Variants in FSTL5 observed in about 807,000 individuals in gnomAD.
FSTL5 encodes the protein follistatin-related protein 5.
In FSTL5, 62 loss-of-function variants were observed where a neutral mutation model predicts 89.1. The observed-to-expected ratio is 0.70, with a 90% CI of 0.57 to 0.86. The LOEUF (loss-of-function observed/expected upper bound fraction) is 0.86, where lower values mean the gene tolerates loss of function less well. Ranked by LOEUF, FSTL5 falls within the 40% of genes least tolerant of loss-of-function variation. The pLI is 0.00. For missense variants in FSTL5, 1,057 were observed against 1,001.6 expected (o/e 1.06, Z -0.75); for synonymous variants, 383 against 346.2 (o/e 1.11, Z -1.18).
intron 6 of FSTL5, among the ~76,000 whole-genome samples, chr4:161,717,083 T>G (rs549183632): frequency 5.5e-4 from 83 of 152,282 alleles, no homozygotes; most frequent in African/African-American, 1.9e-3. Context: ...TCCCTTTGTT[T>G]TAGATAATTG....
chr4:161,937,527 A>G (rs1045504514), intron 3 of FSTL5, among the ~76,000 whole-genome samples: 2 of 152,178 alleles, frequency 1.3e-5, no homozygotes, highest in African/African-American at 4.8e-5. Context: ...AAGCCTCCAG[A>G]AAGAAAAATA....
intron 4 of FSTL5, among the ~76,000 whole-genome samples, chr4:161,892,143 T>C (rs949626662): frequency 6.6e-6 from 1 of 152,026 alleles, no homozygotes; most frequent in Non-Finnish European, 1.5e-5. Flanking sequence ...CTGAAATAAA[T>C]CATTGTGATC....
intron 4 of FSTL5, among the ~76,000 whole-genome samples, chr4:161,892,893 T>A (rs2053430): frequency 6.6e-6 from 1 of 151,918 alleles, no homozygotes; most frequent in African/African-American, 2.4e-5. Context: ...AATAGTTACA[T>A]GCACATTTCA....
At chr4:161,600,131 A>C (rs1357747750) in intron 7 of FSTL5, among the ~76,000 whole-genome samples, 2 of 148,218 alleles carry the variant, frequency 1.3e-5, no homozygotes, top group Admixed American at 1.4e-4. Context: ...CATCAACATG[A>C]ATGAATCCCC....
At chr4:162,116,863 G>A (rs1290456664) in intron 1 of FSTL5, among the ~76,000 whole-genome samples, 4 of 152,186 alleles carry the variant, frequency 2.6e-5, no homozygotes, top group Admixed American at 2.0e-4. Flanking sequence ...GGTCTTTTCA[G>A]AGGTAAGTCC....
chr4:161,698,288 C>T (rs141500288), intron 6 of FSTL5, among the ~76,000 whole-genome samples: 3 of 152,090 alleles, frequency 2.0e-5, no homozygotes, highest in African/African-American at 7.2e-5. Context: ...TTGTTTAGGC[C>T]TAAAACAAAC....
At chr4:161,431,908 A>C (rs1447328208) in intron 15 of FSTL5, among the ~76,000 whole-genome samples, 1 of 152,176 alleles carries the variant, frequency 6.6e-6, no homozygotes, top group Admixed American at 6.5e-5. Flanking sequence ...ATTCAGCAAG[A>C]GCATTTAATA....
chr4:161,524,992 G>T (rs1297178894), intron 10 of FSTL5, among the ~76,000 whole-genome samples: 5 of 151,720 alleles, frequency 3.3e-5, no homozygotes, highest in African/African-American at 1.2e-4. Flanking sequence ...ATCATTCCTA[G>T]GTTTGATATT....
intron 4 of FSTL5, among the ~76,000 whole-genome samples, chr4:161,875,125 T>C (rs554218522): frequency 3.3e-5 from 5 of 152,288 alleles, no homozygotes; most frequent in Non-Finnish European, 5.9e-5. Context: ...GTTCAGATTC[T>C]CTTGTTTTAG....
In FSTL5 at chr4:161,920,833, C is replaced by T. The variant is rs199637761; in HGVS notation, c.161-181G>A. Among the ~76,000 whole-genome samples, 277 of 152,178 alleles carry T rather than the reference C, an allele frequency of 1.8e-3. 6 individuals are homozygous for T. In the South Asian group the frequency reaches 0.052, roughly 28 times the overall value. On this transcript the variant is annotated intron_variant, in intron 3 of 15. Coordinates refer to ENST00000306100, the MANE Select transcript of FSTL5 (RefSeq NM_020116.5). Reference sequence around the variant, plus strand: ...ACTGCACATGAACTTTCTCAAAATGCTTTCAGTATTCTTCCCTTCTTCCTC... The same window carrying T: ...ACTGCACATGAACTTTCTCAAAATGTTTTCAGTATTCTTCCCTTCTTCCTC...
At chr4:161,620,203 G>T (rs565764540) in intron 7 of FSTL5, among the ~76,000 whole-genome samples, 1 of 109,304 alleles carries the variant, frequency 9.1e-6, no homozygotes, top group Non-Finnish European at 1.8e-5. Context: ...GTGGGGGGAG[G>T]GGGGAGGGAT....
At chr4:161,893,113 A>C (rs999771246) in intron 4 of FSTL5, among the ~76,000 whole-genome samples, 6 of 152,142 alleles carry the variant, frequency 3.9e-5, no homozygotes, top group Admixed American at 3.9e-4. Context: ...ATATACTTAA[A>C]GATACTTCTG....
intron 3 of FSTL5, among the ~76,000 whole-genome samples, chr4:161,980,549 T>G: frequency 6.6e-6 from 1 of 152,018 alleles, no homozygotes. Context: ...ATTCTCTTTC[T>G]TCCTTGTTTT....
intron 2 of FSTL5, among the ~76,000 whole-genome samples, chr4:162,063,591 A>T (rs192661617): frequency 1.8e-4 from 28 of 152,032 alleles, no homozygotes; most frequent in Middle Eastern, 3.5e-3. Context: ...ATTATTATAT[A>T]TGAGAATATG....
chr4:162,057,761 T>C (rs996716800), intron 2 of FSTL5, among the ~76,000 whole-genome samples: 2 of 152,060 alleles, frequency 1.3e-5, no homozygotes, highest in Non-Finnish European at 2.9e-5. Flanking sequence ...CTGGCCAACA[T>C]GGTGAAACCC....
intron 3 of FSTL5, among the ~76,000 whole-genome samples, chr4:161,956,190 A>C (rs1291462588): frequency 6.6e-6 from 1 of 151,926 alleles, no homozygotes; most frequent in African/African-American, 2.4e-5. Flanking sequence ...GAACTAAGGA[A>C]GGGATAAGTG....
At chr4:161,509,962 A>G (rs919449464) in intron 11 of FSTL5, among the ~76,000 whole-genome samples, 2 of 152,270 alleles carry the variant, frequency 1.3e-5, no homozygotes, top group South Asian at 4.1e-4. Context: ...AACTTGCCCT[A>G]TTGTTTGTAA....
intron 15 of FSTL5, among the ~76,000 whole-genome samples, chr4:161,448,721 G>A (rs1290630447): frequency 6.6e-6 from 1 of 152,082 alleles, no homozygotes; most frequent in Non-Finnish European, 1.5e-5. Flanking sequence ...AGGGATTACT[G>A]CTGATCGGAA....
At chr4:161,523,797 A>G (rs1156377831) in intron 10 of FSTL5, among the ~76,000 whole-genome samples, 2 of 152,202 alleles carry the variant, frequency 1.3e-5, no homozygotes, top group African/African-American at 4.8e-5. Flanking sequence ...TAATAAATAA[A>G]ATACTCAAAT....
Sources: gnomAD v4.1 joint callset for allele counts (sites outside exome capture counted in the v4.1 genomes callset) on GRCh38, gnomAD v4.1.1 for gene constraint, MANE v1.5 for transcripts, NCBI Gene and HGNC (gene_info 2026-07-23, HGNC 2026-07-21) for gene names.